Variants in ANO6 observed in about 807,000 individuals in gnomAD.
ANO6 encodes the protein anoctamin 6, also known as anoctamin-6.
Under a neutral mutation model 117.5 loss-of-function variants are expected in ANO6, and 106 were observed. The ratio of observed to expected loss-of-function variants is 0.90; its 90% confidence interval spans 0.77 to 1.06. The LOEUF (loss-of-function observed/expected upper bound fraction) is 1.06. ANO6 is among the 50% of genes least tolerant of loss of function. ANO6 has a pLI of 0.00. For missense variants in ANO6, 955 were observed against 1,121.1 expected (o/e 0.85, Z 2.12); for synonymous variants, 367 against 385.1 (o/e 0.95, Z 0.55).
intron 19 of ANO6, among the ~76,000 whole-genome samples, chr12:45,426,682 G>A (rs149635619): frequency 6.6e-6 from 1 of 152,030 alleles, no homozygotes. Flanking sequence ...TCCTCACTGG[G>A]CTCCTAGGAA....
At chr12:45,347,611 C>T (rs1466558201) in intron 4 of ANO6, 7 of 184,392 alleles carry the variant, frequency 3.8e-5, no homozygotes, top group Non-Finnish European at 7.9e-5. Context: ...ACATTTTTAA[C>T]AGCCACATAA....
chr12:45,427,201 T>TATCA (rs1435613488), intron 19 of ANO6, among the ~76,000 whole-genome samples: 1 of 152,060 alleles, frequency 6.6e-6, no homozygotes, highest in Admixed American at 6.5e-5. Context: ...TCAGAGCCAC[T>TATCA]ATCATTTTTT....
intron 19 of ANO6, among the ~76,000 whole-genome samples, chr12:45,427,894 G>A (rs546109665): frequency 5.2e-5 from 7 of 135,304 alleles, no homozygotes; most frequent in East Asian, 4.6e-4. Context: ...GGCCAAGATC[G>A]CACCACTGCA....
At chr12:45,336,485 C>T (rs1241185307) in intron 3 of ANO6, among the ~76,000 whole-genome samples, 5 of 151,940 alleles carry the variant, frequency 3.3e-5, no homozygotes, top group Non-Finnish European at 5.9e-5. Context: ...ACCACATATA[C>T]CATGATGCCT....
chr12:45,433,380 A>ATGTT (rs1180106641), downstream of ANO6, among the ~76,000 whole-genome samples: 17 of 152,320 alleles, frequency 1.1e-4, no homozygotes, highest in African/African-American at 3.6e-4. Context: ...AGGGCAGTGG[A>ATGTT]TGTTTGCTGG....
chr12:45,287,593 G>A (rs1437725315), intron 1 of ANO6, among the ~76,000 whole-genome samples: 5 of 152,096 alleles, frequency 3.3e-5, no homozygotes, highest in South Asian at 2.1e-4. Flanking sequence ...AAAATTTGGC[G>A]GACAGGATTT....
exon 20 of ANO6, chr12:45,440,050 G>A: frequency 1.8e-6 from 2 of 1,099,780 alleles, no homozygotes; most frequent in Non-Finnish European, 2.4e-6. Flanking sequence ...TTCCAATACT[G>A]GCATTTAAGA....
intron 1 of ANO6, among the ~76,000 whole-genome samples, chr12:45,301,327 C>T (rs1424965311): frequency 1.3e-5 from 2 of 151,880 alleles, no homozygotes; most frequent in Admixed American, 6.6e-5. Context: ...CATGGTAGCT[C>T]ATTCCTGTAA....
At chr12:45,242,246 C>T (rs945462133) in intron 1 of ANO6, among the ~76,000 whole-genome samples, 4 of 152,234 alleles carry the variant, frequency 2.6e-5, no homozygotes, top group Non-Finnish European at 5.9e-5. Context: ...TTGAGCTTCC[C>T]GGTCACTTTG....
At chr12:45,320,587 T>A (rs1940227433) in intron 2 of ANO6, among the ~76,000 whole-genome samples, 1 of 152,188 alleles carries the variant, frequency 6.6e-6, no homozygotes, top group Non-Finnish European at 1.5e-5. Context: ...GAGAAGAATG[T>A]ATATTCTGTT....
intron 3 of ANO6, among the ~76,000 whole-genome samples, chr12:45,337,083 A>G (rs989937563): frequency 3.3e-5 from 5 of 152,112 alleles, no homozygotes; most frequent in Admixed American, 2.6e-4. Context: ...TAAAGAAAGA[A>G]GTTTTGTACA....
At chr12:45,388,065 G>T in intron 10 of ANO6, 96 bp from the exon 11 acceptor site, 1 of 1,509,984 alleles carries the variant, frequency 6.6e-7, no homozygotes, top group Non-Finnish European at 9.2e-7. Flanking sequence ...TGTGAAAACA[G>T]GCCAGTACAA....
chr12:45,375,156 A>G (rs1593032828), intron 9 of ANO6, among the ~76,000 whole-genome samples: 1 of 152,214 alleles, frequency 6.6e-6, no homozygotes, highest in South Asian at 2.1e-4. Flanking sequence ...AGAGATGTGA[A>G]GGACCTCTTC....
At chr12:45,322,005 TC>T (rs1940292419) in intron 2 of ANO6, among the ~76,000 whole-genome samples, 1 of 152,152 alleles carries the variant, frequency 6.6e-6, no homozygotes, top group Non-Finnish European at 1.5e-5. Context: ...GGTAGTCCAG[TC>T]TGGTGCCAAT....
intron 2 of ANO6, among the ~76,000 whole-genome samples, chr12:45,326,150 A>G (rs1022132280): frequency 2.0e-5 from 3 of 152,208 alleles, no homozygotes; most frequent in Non-Finnish European, 4.4e-5. Flanking sequence ...ATAGAACTCT[A>G]GAGTTTAACA....
chr12:45,362,880 C>T (rs1051171382), intron 8 of ANO6, among the ~76,000 whole-genome samples: 2 of 151,870 alleles, frequency 1.3e-5, no homozygotes, highest in Non-Finnish European at 2.9e-5. Flanking sequence ...ATAAGCTTAC[C>T]AACAGTTTCA....
chr12:45,298,153 G>T (rs892010239), intron 1 of ANO6, among the ~76,000 whole-genome samples: 1 of 152,132 alleles, frequency 6.6e-6, no homozygotes, highest in Non-Finnish European at 1.5e-5. Flanking sequence ...CTAGTCAGCC[G>T]TTTGATGAAC....
chr12:45,229,581 G>A (rs1474126627), intron 1 of ANO6, among the ~76,000 whole-genome samples: 3 of 150,934 alleles, frequency 2.0e-5, no homozygotes, highest in Non-Finnish European at 4.4e-5. Flanking sequence ...ATAGAGACGG[G>A]GTTTCACCAT....
In ANO6 at chr12:45,293,592, C is replaced by T. The variant is rs1443949888; in HGVS notation, c.71-8422C>T. Among the ~76,000 whole-genome samples the T allele has an allele frequency of 4.6e-5, 7 of 151,904 alleles. No homozygotes were observed. The East Asian group carries it at 9.6e-4, about 21-fold the overall frequency. ...ATATTTTATTTTTTTGAGACAGTCT[C>T]GCTCTGTTGCCAGGCTGGAGTGCAG... On this transcript the variant is annotated intron_variant, in intron 1 of 19. Transcript: ENST00000320560.
Sources: allele counts gnomAD v4.1 joint callset (sites outside exome capture counted in the v4.1 genomes callset), GRCh38; gene constraint gnomAD v4.1.1; transcripts MANE v1.5; gene names NCBI Gene and HGNC (gene_info 2026-07-23, HGNC 2026-07-21).